Variants in HPGDS observed in about 807,000 individuals in gnomAD.
HPGDS encodes the protein GST class-sigma.
A neutral mutation model predicts 23.1 loss-of-function variants in HPGDS; 26 were observed. The observed-to-expected ratio is 1.13, with a 90% confidence interval of 0.83 to 1.56. HPGDS has a LOEUF of 1.56. Among genes scored for constraint, HPGDS ranks in the 40% most tolerant of loss-of-function variants. The probability of loss-of-function intolerance (pLI) is 0.00; values close to 1 mark genes in which losing one functional copy is unlikely to be tolerated. For missense variants in HPGDS, 268 were observed against 236.4 expected (o/e 1.13, Z -0.88); for synonymous variants, 95 against 77.9 (o/e 1.22, Z -1.16).
At position 94,303,317 on chromosome 4, in the gene HPGDS, G is replaced by C. The variant is rs74965057; in HGVS notation, c.337-1073C>G. Reference sequence around the variant, plus strand: ...TTTGAGCATGCGCATGATGCCCAAAGGAAATGCTCAGGGGAACATCTCAGA... The same window carrying C: ...TTTGAGCATGCGCATGATGCCCAAACGAAATGCTCAGGGGAACATCTCAGA... On this transcript the variant is annotated intron_variant, in intron 4 of 5. Transcript: ENST00000295256. Among the ~76,000 whole-genome samples, 1,022 of 152,188 alleles carry C rather than the reference G, an allele frequency of 6.7e-3. 6 individuals are homozygous for C. Among genetic ancestry groups the C allele is most frequent in the Middle Eastern group, 0.054 (16 of 294 alleles).
chr4:94,307,657 A>G (rs1431345335), intron 4 of HPGDS, among the ~76,000 whole-genome samples: 2 of 152,170 alleles, frequency 1.3e-5, no homozygotes, highest in African/African-American at 2.4e-5. Context: ...AGTCTCCTAG[A>G]GAGCGCTCCA....
In HPGDS at chr4:94,317,956, A is replaced by G. The variant is rs1253656068; in HGVS notation, c.143T>C (p.Phe48Ser). 3.7e-6 allele frequency: 6 copies of G among 1,602,210 alleles called. No homozygotes were observed. Among genetic ancestry groups the G allele is most frequent in the Non-Finnish European group, 5.1e-6 (6 of 1,170,716 alleles). ...DWPEIKSTLP[F>S]GKIPILEVDG... is the part of the protein sequence containing the mutation. ...AACTTCCAAAATGGGGATTTTTCCAAATGGGAGAGCTTAAAATGAAATGAG... is the reference window on the plus strand; with the variant it reads ...AACTTCCAAAATGGGGATTTTTCCAGATGGGAGAGCTTAAAATGAAATGAG... Residue 48 changes from phenylalanine to serine, a missense_variant, in exon 3 of 6, where the codon TTT becomes TCT. Coordinates refer to ENST00000295256, the MANE Select transcript of HPGDS (RefSeq NM_014485.3).
chr4:94,338,228 A>C (rs1448297832), intron 1 of HPGDS, among the ~76,000 whole-genome samples: 1 of 152,180 alleles, frequency 6.6e-6, no homozygotes, highest in East Asian at 1.9e-4. Context: ...GTTTGAGACC[A>C]GCCTGGCCAA....
intron 1 of HPGDS, among the ~76,000 whole-genome samples, chr4:94,338,371 G>A (rs1389654467): frequency 6.6e-6 from 1 of 152,152 alleles, no homozygotes; most frequent in Non-Finnish European, 1.5e-5. Context: ...GTTGCAGTGA[G>A]CCAAGACCGC....
At chr4:94,307,546 A>G (rs1756161583) in intron 4 of HPGDS, among the ~76,000 whole-genome samples, 1 of 152,194 alleles carries the variant, frequency 6.6e-6, no homozygotes, top group African/African-American at 2.4e-5. Context: ...ATCCAGGAAC[A>G]GGACTCCAGC....
chr4:94,332,560 C>T (rs1360978829), intron 2 of HPGDS, among the ~76,000 whole-genome samples: 1 of 152,246 alleles, frequency 6.6e-6, no homozygotes, highest in African/African-American at 2.4e-5. Flanking sequence ...CCACACAGAG[C>T]TTGCTCCTGC....
chr4:94,299,543 C>A lies in HPGDS; in HGVS notation c.537G>T (p.Lys179Asn). The change falls in exon 6 of 6, where the codon AAG becomes AAT. Residue 179 changes from lysine to asparagine, a missense_variant. By Grantham distance (94) the Lys-to-Asn change is moderately conservative (BLOSUM62 0). Transcript: ENST00000295256. ...DNHPRLVTLR[K>N]KVQAIPAVAN... is the part of the protein sequence containing the mutation. Reference sequence around the variant, plus strand: ...CGACGGCAGGAATGGCTTGGACTTTCTTCCGTAAAGTCACCAGCCTTGGAT... The same window carrying A: ...CGACGGCAGGAATGGCTTGGACTTTATTCCGTAAAGTCACCAGCCTTGGAT... 4 of 1,613,958 alleles carry A rather than the reference C, an allele frequency of 2.5e-6. No individual in the cohort carries two copies. Among genetic ancestry groups the A allele is most frequent in the Non-Finnish European group, 2.5e-6 (3 of 1,179,974 alleles).
At chr4:94,326,080 A>G (rs1449056974) in intron 2 of HPGDS, among the ~76,000 whole-genome samples, 1 of 149,408 alleles carries the variant, frequency 6.7e-6, no homozygotes, top group Non-Finnish European at 1.5e-5. Flanking sequence ...GGATTCCTTT[A>G]TGTATGACTT....
chr4:94,339,478 AAT>A (rs1259623849), intron 1 of HPGDS, among the ~76,000 whole-genome samples: 3 of 152,212 alleles, frequency 2.0e-5, no homozygotes, highest in Non-Finnish European at 2.9e-5. Context: ...CTGTTTGAAA[AAT>A]AACCTATACG....
At chr4:94,334,110 G>GTATT in intron 2 of HPGDS, 1 of 159,110 alleles carries the variant, frequency 6.3e-6, no homozygotes, top group East Asian at 1.9e-4. Context: ...CTTGAGCCTG[G>GTATT]TATTAAACTG....
chr4:94,322,960 G>T (rs1446196235), intron 2 of HPGDS, among the ~76,000 whole-genome samples: 1 of 152,178 alleles, frequency 6.6e-6, no homozygotes, highest in Non-Finnish European at 1.5e-5. Context: ...CTGGTACATT[G>T]TGTCTTTGTT....
chr4:94,303,785 CT>C (rs1756089657), intron 4 of HPGDS: 1 of 152,104 alleles, frequency 6.6e-6, no homozygotes, highest in Non-Finnish European at 1.5e-5. Context: ...AAATTCTGTT[CT>C]TCTAACGTGC....
At chr4:94,319,596 TTATG>T (rs1756463430) in intron 2 of HPGDS, among the ~76,000 whole-genome samples, 1 of 152,134 alleles carries the variant, frequency 6.6e-6, no homozygotes, top group Non-Finnish European at 1.5e-5. Context: ...TCTTTCTCAT[TTATG>T]TATCTGCTCT....
chr4:94,324,629 C>G (rs1182166519), intron 2 of HPGDS, among the ~76,000 whole-genome samples: 1 of 152,160 alleles, frequency 6.6e-6, no homozygotes, highest in East Asian at 1.9e-4. Flanking sequence ...AAGGTCTTCT[C>G]TACACTGTTT....
intron 2 of HPGDS, 104 bp from the exon 3 acceptor site, chr4:94,318,069 T>A: frequency 1.5e-6 from 1 of 662,890 alleles, no homozygotes; most frequent in Non-Finnish European, 2.6e-6. Flanking sequence ...TTTTATGGAA[T>A]CATGAAATTC....
chr4:94,342,004 A>G (rs533901474), intron 1 of HPGDS, among the ~76,000 whole-genome samples: 1 of 152,338 alleles, frequency 6.6e-6, no homozygotes, highest in South Asian at 2.1e-4. Context: ...TTCAAGTTCA[A>G]TTCTGGAAAA....
Position 94,308,644 on chromosome 4 carries a change from T to C in HPGDS, c.326A>G (p.Gln109Arg). 6.4e-7 allele frequency: 1 copy of C among 1,574,510 alleles called. No homozygotes were observed. The highest frequency in any genetic ancestry group is 1.1e-5 in the South Asian group (1 of 89,350). Residue 109 changes from glutamine (Q) to arginine (R), a missense_variant, in exon 4 of 6, where the codon CAA (glutamine) becomes CGA (arginine). Transcript: ENST00000295256. ...AATGGATCACATTACTTTCACATCT[T>C]GCTTTTTCTCTGCCCAAGGAAAACA... ...MSCFPWAEKK[Q>R]DVKEQMFNEL...
chr4:94,300,047 G>C (rs1270137794), intron 5 of HPGDS, among the ~76,000 whole-genome samples: 2 of 152,132 alleles, frequency 1.3e-5, no homozygotes, highest in Non-Finnish European at 1.5e-5. Flanking sequence ...CTATGCATTT[G>C]ATCTGCTTAT....
intron 2 of HPGDS, among the ~76,000 whole-genome samples, chr4:94,318,935 A>T (rs1173256926): frequency 1.3e-5 from 2 of 152,124 alleles, no homozygotes; most frequent in Non-Finnish European, 1.5e-5. Context: ...CCGGTCTTGA[A>T]TTCCTGACCT....
Sources: gnomAD v4.1 joint callset for allele counts (sites outside exome capture counted in the v4.1 genomes callset) on GRCh38, gnomAD v4.1.1 for gene constraint, MANE v1.5 for transcripts, NCBI Gene and HGNC (gene_info 2026-07-23, HGNC 2026-07-21) for gene names.